Variants in ESYT2 observed in about 807,000 individuals in gnomAD.
ESYT2 encodes the protein extended synaptotagmin-2.
Under a neutral mutation model 107.2 loss-of-function variants are expected in ESYT2, and 54 were observed. The observed-to-expected ratio is 0.50, with a 90% confidence interval of 0.40 to 0.63. The LOEUF is 0.63. Among genes scored for constraint, ESYT2 ranks in the 30% least tolerant of loss-of-function variants. The pLI is 0.00. For missense variants in ESYT2, 1,020 were observed against 1,094.5 expected (o/e 0.93, Z 0.96); for synonymous variants, 491 against 434.1 (o/e 1.13, Z -1.63).
chr7:158,810,923 A>G (rs1361799463), intron 1 of ESYT2, among the ~76,000 whole-genome samples: 2 of 151,916 alleles, frequency 1.3e-5, no homozygotes, highest in Non-Finnish European at 2.9e-5. Context: ...CTGAGAATAT[A>G]CTGAAAAACA....
chr7:158,792,409 T>C (rs1242156455), intron 4 of ESYT2, among the ~76,000 whole-genome samples: 1 of 151,366 alleles, frequency 6.6e-6, no homozygotes, highest in African/African-American at 2.4e-5. Context: ...GCACCTGTAG[T>C]CTCAGCTACT....
At chr7:158,821,628 A>C (rs1211232465) in intron 1 of ESYT2, among the ~76,000 whole-genome samples, 1 of 152,228 alleles carries the variant, frequency 6.6e-6, no homozygotes, top group Non-Finnish European at 1.5e-5. Flanking sequence ...CAGAAGGAGC[A>C]CTTCTACTCC....
intron 4 of ESYT2, among the ~76,000 whole-genome samples, chr7:158,790,541 G>C (rs1017598247): frequency 6.6e-6 from 1 of 152,196 alleles, no homozygotes; most frequent in African/African-American, 2.4e-5. Context: ...GGGGGTGTGG[G>C]GGGAAGGAAG....
In ESYT2 at chr7:158,767,594, C is replaced by T. The variant is rs780362598; in HGVS notation, c.924+60G>A. The T allele has an allele frequency of 1.7e-4, 269 of 1,574,952 alleles. No homozygotes were observed. Among genetic ancestry groups the T allele is most frequent in the Middle Eastern group, 6.9e-4 (3 of 4,358 alleles). On this transcript the variant is annotated intron_variant, in intron 8 of 22. Transcript: ENST00000275418. The stretch of plus-strand genomic sequence containing the variant: ...GAGTCACAGCACCCAATGCCACACC[C>T]GCAGGCAGGCAGGTCTCCAAGATGT...
intron 13 of ESYT2, among the ~76,000 whole-genome samples, chr7:158,757,811 T>G (rs1587397893): frequency 1.3e-5 from 2 of 152,210 alleles, no homozygotes; most frequent in East Asian, 3.9e-4. Context: ...CAAATTTCAA[T>G]TTAATGTGAC....
At chr7:158,798,106 A>C in intron 2 of ESYT2, 30 bp from the exon 3 acceptor site, 1 of 1,613,420 alleles carries the variant, frequency 6.2e-7, no homozygotes, top group East Asian at 2.2e-5. Context: ...CAGTTTAAAC[A>C]AAATGCTATA....
At chr7:158,782,485 GGT>G (rs36148170) in intron 6 of ESYT2, among the ~76,000 whole-genome samples, 87,237 of 142,326 alleles carry the variant, frequency 0.61, 27,028 homozygotes, top group Non-Finnish European at 0.72. Context: ...AACAGTGAGA[GGT>G]GTGTGTGAAA....
chr7:158,739,077 G>A lies in ESYT2; in HGVS notation c.2213C>T (p.Thr738Ile). ...GQSPLGQIQL[T>I]IRHSSQRNKL... ...GTTTCTCTGCGAGCTGTGCCGGATG[G>A]TCAGCTGGATCTGCCCCAGTGGAGA... is the stretch of plus-strand genomic sequence containing the variant. The change falls in exon 19 of 23, where the codon ACC (threonine) becomes ATC (isoleucine). Residue 738 changes from threonine to isoleucine, a missense_variant. By Grantham distance (89) the Thr-to-Ile change is moderately conservative. Transcript: ENST00000275418. 1 of 1,614,124 alleles carries A rather than the reference G, an allele frequency of 6.2e-7. No homozygotes were observed. Among genetic ancestry groups the A allele is most frequent in the Non-Finnish European group, 8.5e-7 (1 of 1,179,998 alleles).
At position 158,732,921 on chromosome 7, in the gene ESYT2, G is replaced by A. The variant is rs573122199; in HGVS notation, c.*1286C>T. 12 of 152,298 alleles carry A rather than the reference G, an allele frequency of 7.9e-5. No homozygotes were observed. Among genetic ancestry groups the A allele is most frequent in the East Asian group, 1.9e-4 (1 of 5,188 alleles). The allele number at this position is 152,298 out of a possible 1,614,324, so 9.4% of individuals were successfully genotyped here. ...TTCTTTACAGACACACACAGCCTAC[G>A]ACACTGCAACAGAGCCTCACCTCAC... On this transcript the variant is annotated 3_prime_UTR_variant, in exon 23 of 23. Transcript: ENST00000275418.
intron 8 of ESYT2, 118 bp downstream of exon 8, chr7:158,767,536 C>A: frequency 7.3e-7 from 1 of 1,372,906 alleles, no homozygotes; most frequent in Non-Finnish European, 1.0e-6. Flanking sequence ...CATCAAGACC[C>A]GTGTGGCAAG....
chr7:158,741,242 G>C (rs139828444), intron 18 of ESYT2, among the ~76,000 whole-genome samples: 1 of 152,184 alleles, frequency 6.6e-6, no homozygotes, highest in Non-Finnish European at 1.5e-5. Context: ...GCAGCGTCCC[G>C]GCGCTGCCTC....
At chr7:158,743,757 C>A (rs746568642) in intron 16 of ESYT2, 79 bp from the exon 17 acceptor site, 6 of 1,455,396 alleles carry the variant, frequency 4.1e-6, no homozygotes, top group Non-Finnish European at 5.5e-6. Context: ...ACGCTCCTGA[C>A]CCTTTGTCCT....
At chr7:158,828,517 G>C (rs1380466427) in intron 1 of ESYT2, among the ~76,000 whole-genome samples, 1 of 152,228 alleles carries the variant, frequency 6.6e-6, no homozygotes, top group Non-Finnish European at 1.5e-5. Context: ...CTGCAGGCCG[G>C]GGGAGGGAAG....
intron 4 of ESYT2, among the ~76,000 whole-genome samples, chr7:158,793,059 C>T (rs955673520): frequency 2.0e-5 from 3 of 150,580 alleles, no homozygotes; most frequent in Admixed American, 1.3e-4. Context: ...TGAGCCACCA[C>T]GCCCGGCCCA....
At position 158,804,771 on chromosome 7, in the gene ESYT2, T is replaced by C. The variant is rs555213250; in HGVS notation, c.331-5699A>G. Among the ~76,000 whole-genome samples, 34 of 148,092 alleles carry C rather than the reference T, an allele frequency of 2.3e-4. 1 individual carries two copies. Among genetic ancestry groups the C allele is most frequent in the Admixed American group, 2.1e-3 (32 of 14,934 alleles). ...CCAAACTGCCGAGAAAGGTGAGGTG[T>C]GTGACAAACCCAAACTGTTGAGAAA... On this transcript the variant is annotated intron_variant, in intron 1 of 22. Transcript: ENST00000275418.
chr7:158,778,817 G>A (rs111586254), intron 6 of ESYT2, among the ~76,000 whole-genome samples: 174 of 150,576 alleles, frequency 1.2e-3, no homozygotes, highest in African/African-American at 4.0e-3. Context: ...ATGTAAAAAC[G>A]ACATCACACC....
intron 1 of ESYT2, among the ~76,000 whole-genome samples, chr7:158,822,093 G>C (rs1840300948): frequency 6.6e-6 from 1 of 152,184 alleles, no homozygotes; most frequent in African/African-American, 2.4e-5. Flanking sequence ...TCTGCATAGA[G>C]TGGGTCCTTA....
chr7:158,741,472 T>TTG (rs1554580274), intron 18 of ESYT2, 51 bp downstream of exon 18: 7 of 1,508,786 alleles, frequency 4.6e-6, no homozygotes, highest in Non-Finnish European at 6.2e-6. Flanking sequence ...CAGCGTGGGG[T>TTG]GGGGGGCGCT....
intron 20 of ESYT2, 39 bp downstream of exon 20, chr7:158,737,009 A>G: frequency 6.2e-7 from 1 of 1,608,948 alleles, no homozygotes; most frequent in Non-Finnish European, 8.5e-7. Context: ...CCGTCACTTC[A>G]ACCGGGCAGT....
Sources: allele counts gnomAD v4.1 joint callset (sites outside exome capture counted in the v4.1 genomes callset), GRCh38; gene constraint gnomAD v4.1.1; transcripts MANE v1.5; gene names NCBI Gene and HGNC (gene_info 2026-07-23, HGNC 2026-07-21).